Variants in UBE2K observed in about 807,000 individuals in gnomAD.
UBE2K encodes ubiquitin conjugating enzyme E2 K.
A neutral mutation model predicts 30.0 loss-of-function variants in UBE2K; 6 were observed. The observed-to-expected ratio is 0.20, with a 90% CI of 0.11 to 0.39. UBE2K has a LOEUF of 0.39. Among genes scored for constraint, UBE2K ranks in the 10% least tolerant of loss-of-function variants. The pLI is 1.00. For synonymous variants in UBE2K, 86 were observed against 83.7 expected (o/e 1.03, Z -0.15); for missense variants, 61 against 241.6 (o/e 0.25, Z 4.96).
At chr4:39,739,442 ATT>A (rs35957337) in intron 2 of UBE2K, among the ~76,000 whole-genome samples, 2 of 105,772 alleles carry the variant, frequency 1.9e-5, no homozygotes, top group Non-Finnish European at 1.8e-5. Context: ...CTGTTTATTC[ATT>A]TTTTTTTTTT....
chr4:39,769,725 G>A (rs954741345), intron 4 of UBE2K, among the ~76,000 whole-genome samples: 6 of 123,376 alleles, frequency 4.9e-5, no homozygotes, highest in Non-Finnish European at 7.9e-5. Context: ...ACCTTCCCCT[G>A]GGCAGGCTTA....
rs145012844 is a variant in UBE2K, at chr4:39,759,077, T to C, written c.299+3338T>C. Among the ~76,000 whole-genome samples, 387 of 152,310 alleles carry C rather than the reference T, an allele frequency of 2.5e-3. 2 individuals carry two copies. Among genetic ancestry groups the C allele is most frequent in the African/African-American group, 9.0e-3 (374 of 41,570 alleles). ...TTGACATTTAGTGCATATCCATATT[T>C]AAATGTGGATGTTTAGGTTTCAGAA... is the stretch of plus-strand genomic sequence containing the variant. On this transcript the variant is annotated intron_variant, in intron 4 of 6. Coordinates refer to ENST00000261427, the MANE Select transcript of UBE2K (RefSeq NM_005339.5).
In UBE2K at chr4:39,704,153, G is replaced by C. The variant is rs1227355461; in HGVS notation, c.63+5763G>C. ...CATCGGTAATTGCAGCACTTGGGGA[G>C]GCTGAGGCAGGAGAATCGTTTGAGT... On this transcript the variant is annotated intron_variant, in intron 1 of 6. Coordinates refer to ENST00000261427, the MANE Select transcript of UBE2K (RefSeq NM_005339.5). Among the ~76,000 whole-genome samples, 3 of 151,960 alleles carry C rather than the reference G, an allele frequency of 2.0e-5. No individual in the cohort carries two copies. In the East Asian group the frequency reaches 5.8e-4, roughly 29 times the overall value.
At chr4:39,715,901 C>A (rs1719034073) in intron 1 of UBE2K, among the ~76,000 whole-genome samples, 1 of 151,766 alleles carries the variant, frequency 6.6e-6, no homozygotes, top group Non-Finnish European at 1.5e-5. Flanking sequence ...AAAGTTAATT[C>A]ATTTTCTTAA....
intron 1 of UBE2K, among the ~76,000 whole-genome samples, chr4:39,698,977 G>A (rs1002940154): frequency 1.3e-5 from 2 of 152,170 alleles, no homozygotes; most frequent in African/African-American, 4.8e-5. Flanking sequence ...ATAGAATACT[G>A]TCTTATTTGG....
intron 1 of UBE2K, among the ~76,000 whole-genome samples, chr4:39,731,254 A>G (rs1720059603): frequency 6.6e-6 from 1 of 152,018 alleles, no homozygotes; most frequent in African/African-American, 2.4e-5. Context: ...GGCTTACATT[A>G]TATTGTATTG....
chr4:39,781,772 A>G lies in UBE2K; in HGVS notation c.*3338A>G. On this transcript the variant is annotated 3_prime_UTR_variant, in exon 7 of 7. Transcript: ENST00000261427. The stretch of plus-strand genomic sequence containing the variant: ...TAACTTTATTTCATGGACTTCTACA[A>G]AATGTTGTATTAATCACTTTTTCTA... 1 of 395,264 alleles carries G rather than the reference A, an allele frequency of 2.5e-6. No individual in the cohort carries two copies. Among genetic ancestry groups the G allele is most frequent in the Non-Finnish European group, 4.5e-6 (1 of 224,144 alleles). 24.5% of individuals were successfully genotyped at this position (395,264 alleles called of 1,614,324 possible).
intron 1 of UBE2K, among the ~76,000 whole-genome samples, chr4:39,705,165 G>A (rs1362507045): frequency 6.7e-6 from 1 of 150,136 alleles, no homozygotes; most frequent in Non-Finnish European, 1.5e-5. Flanking sequence ...CAAAGTGCTG[G>A]GATTGCAGGC....
chr4:39,724,138 A>G (rs1344944366), intron 1 of UBE2K, among the ~76,000 whole-genome samples: 2 of 135,126 alleles, frequency 1.5e-5, no homozygotes, highest in African/African-American at 2.8e-5. Flanking sequence ...TTTTTTTTTT[A>G]ATTGTTGTCA....
chr4:39,754,534 T>C (rs1721429430), intron 3 of UBE2K, among the ~76,000 whole-genome samples: 2 of 152,194 alleles, frequency 1.3e-5, no homozygotes, highest in South Asian at 2.1e-4. Flanking sequence ...TTTTTTCCAG[T>C]TGGTCGTGTT....
At chr4:39,719,432 G>T (rs1047478899) in intron 1 of UBE2K, among the ~76,000 whole-genome samples, 2 of 152,112 alleles carry the variant, frequency 1.3e-5, no homozygotes, top group Non-Finnish European at 2.9e-5. Context: ...ACCTTGTAGG[G>T]TTCCTTGAAT....
At chr4:39,739,884 C>T (rs1720600868) in intron 2 of UBE2K, among the ~76,000 whole-genome samples, 1 of 152,214 alleles carries the variant, frequency 6.6e-6, no homozygotes. Flanking sequence ...CCATTGTGCC[C>T]AACCTTGTAC....
intron 3 of UBE2K, among the ~76,000 whole-genome samples, chr4:39,752,422 C>T (rs1001214507): frequency 5.3e-5 from 8 of 150,066 alleles, no homozygotes; most frequent in Non-Finnish European, 1.2e-4. Flanking sequence ...CTGCAAGCTC[C>T]GCTTCCCAGG....
At chr4:39,715,966 G>A (rs1719036669) in intron 1 of UBE2K, among the ~76,000 whole-genome samples, 1 of 152,012 alleles carries the variant, frequency 6.6e-6, no homozygotes, top group Admixed American at 6.5e-5. Context: ...GCTCCTTCAG[G>A]CAGTACCTTC....
intron 4 of UBE2K, chr4:39,770,919 G>A (rs1366927970): frequency 2.1e-6 from 3 of 1,420,866 alleles, no homozygotes; most frequent in Middle Eastern, 2.0e-4. Flanking sequence ...GAGTGGAGGG[G>A]ATAGAGGAGG....
intron 1 of UBE2K, among the ~76,000 whole-genome samples, chr4:39,713,599 A>T (rs1462009805): frequency 6.6e-6 from 1 of 151,872 alleles, no homozygotes; most frequent in African/African-American, 2.4e-5. Context: ...TATCATTCTA[A>T]CCATTTTAAA....
At chr4:39,734,101 T>C (rs192863948) in intron 1 of UBE2K, among the ~76,000 whole-genome samples, 5 of 133,954 alleles carry the variant, frequency 3.7e-5, no homozygotes, top group East Asian at 2.5e-4. Context: ...CTAAGCCCTC[T>C]AGAATTTTTT....
intron 2 of UBE2K, among the ~76,000 whole-genome samples, chr4:39,741,207 G>C (rs945474958): frequency 6.6e-6 from 1 of 151,828 alleles, no homozygotes; most frequent in Non-Finnish European, 1.5e-5. Flanking sequence ...TGAGACGGAG[G>C]TTGCAGTGAG....
intron 1 of UBE2K, among the ~76,000 whole-genome samples, chr4:39,699,182 G>C (rs909081882): frequency 3.3e-5 from 5 of 152,198 alleles, no homozygotes; most frequent in African/African-American, 1.2e-4. Context: ...ATAATGGAAT[G>C]TATGAGTAGC....
Sources: gnomAD v4.1 joint callset for allele counts (sites outside exome capture counted in the v4.1 genomes callset) on GRCh38, gnomAD v4.1.1 for gene constraint, MANE v1.5 for transcripts, NCBI Gene and HGNC (gene_info 2026-07-23, HGNC 2026-07-21) for gene names.